TMPRSS11E: variants seen among roughly 807,000 people sequenced by gnomAD.
TMPRSS11E encodes the protein transmembrane serine protease 11E.
Under a neutral mutation model 48.1 loss-of-function variants are expected in TMPRSS11E, and 38 were observed. That is an observed-to-expected ratio of 0.79 (90% confidence interval 0.61 to 1.04). The LOEUF is 1.04. Among genes scored for constraint, TMPRSS11E ranks in the 50% least tolerant of loss-of-function variants. The probability of loss-of-function intolerance (pLI) is 0.00; values close to 1 mark genes in which losing one functional copy is unlikely to be tolerated. For missense variants in TMPRSS11E, 530 were observed against 510.8 expected (o/e 1.04, Z -0.36); for synonymous variants, 158 against 171.9 (o/e 0.92, Z 0.63).
At chr4:68,463,334 G>T (rs893026727) in intron 2 of TMPRSS11E, among the ~76,000 whole-genome samples, 1 of 151,840 alleles carries the variant, frequency 6.6e-6, no homozygotes. Flanking sequence ...ACGGAGTCTT[G>T]GTCTGTTCCC....
intron 9 of TMPRSS11E, among the ~76,000 whole-genome samples, chr4:68,480,737 T>C (rs1729378396): frequency 1.3e-5 from 2 of 152,156 alleles, no homozygotes; most frequent in African/African-American, 4.8e-5. Context: ...ATTTATTCTG[T>C]TTTGTTGTTG....
At chr4:68,470,652 C>T (rs138273660) in intron 4 of TMPRSS11E, among the ~76,000 whole-genome samples, 1 of 151,986 alleles carries the variant, frequency 6.6e-6, no homozygotes, top group Non-Finnish European at 1.5e-5. Context: ...TGTATTCCCA[C>T]TTCCAGTTTA....
At chr4:68,491,861 C>T (rs1729734293) in intron 9 of TMPRSS11E, among the ~76,000 whole-genome samples, 2 of 109,946 alleles carry the variant, frequency 1.8e-5, no homozygotes, top group African/African-American at 2.7e-5. Context: ...TTCATGCTTT[C>T]GCATGAACAC....
chr4:68,482,590 CAAAAAAAAAAAAAAAAAAAAA>C (rs371144994), intron 9 of TMPRSS11E, among the ~76,000 whole-genome samples: 7 of 106,056 alleles, frequency 6.6e-5, no homozygotes, highest in Non-Finnish European at 1.1e-4. Context: ...TGCATCTCCA[CAAAAAAAAAAAAAAAAAAAAA>C]AAAAAAAAAA....
At chr4:68,477,342 A>G (rs761927044) in intron 7 of TMPRSS11E, 27 bp from the exon 8 acceptor site, 3 of 1,579,360 alleles carry the variant, frequency 1.9e-6, no homozygotes, top group Non-Finnish European at 2.6e-6. Flanking sequence ...GTAAAAAGAA[A>G]TTTATTCTTC....
At chr4:68,470,238 A>G (rs1729026908) in intron 4 of TMPRSS11E, among the ~76,000 whole-genome samples, 2 of 151,908 alleles carry the variant, frequency 1.3e-5, no homozygotes, top group Admixed American at 6.6e-5. Flanking sequence ...GAAAAGGATG[A>G]CAAAGAAAGC....
intron 1 of TMPRSS11E, among the ~76,000 whole-genome samples, chr4:68,453,156 T>C (rs1341792487): frequency 6.6e-6 from 1 of 151,924 alleles, no homozygotes; most frequent in African/African-American, 2.4e-5. Flanking sequence ...AATTTTTCAT[T>C]ATGAAAGAGG....
intron 9 of TMPRSS11E, among the ~76,000 whole-genome samples, chr4:68,494,115 T>G (rs138219883): frequency 9.0e-6 from 1 of 110,988 alleles, no homozygotes; most frequent in African/African-American, 2.7e-5. Flanking sequence ...TTTTATCTGC[T>G]GTCTATATTC....
intron 9 of TMPRSS11E, 67 bp from the exon 10 acceptor site, chr4:68,496,576 A>T: frequency 3.4e-6 from 5 of 1,466,254 alleles, no homozygotes; most frequent in Non-Finnish European, 4.6e-6. Flanking sequence ...TTCTTAAGTT[A>T]GAAAAATAGC....
At chr4:68,461,746 A>C in intron 1 of TMPRSS11E, 75 bp from the exon 2 acceptor site, 1 of 1,600,008 alleles carries the variant, frequency 6.2e-7, no homozygotes, top group Admixed American at 1.7e-5. Flanking sequence ...TTATTCCCCC[A>C]AAATATCTGT....
intron 9 of TMPRSS11E, among the ~76,000 whole-genome samples, chr4:68,479,437 TG>T (rs1560556359): frequency 2.6e-5 from 4 of 151,064 alleles, no homozygotes; most frequent in South Asian, 2.1e-4. Flanking sequence ...TTTGGCTTTT[TG>T]TTGTAGAAAA....
chr4:68,474,586 CA>C, intron 5 of TMPRSS11E, 136 bp from the exon 6 acceptor site: 1 of 794,974 alleles, frequency 1.3e-6, no homozygotes, highest in Non-Finnish European at 2.1e-6. Context: ...ATGTCTATGA[CA>C]AGCTATGTTG....
intron 9 of TMPRSS11E, among the ~76,000 whole-genome samples, chr4:68,490,799 C>T (rs959800165): frequency 1.7e-5 from 2 of 120,450 alleles, no homozygotes; most frequent in African/African-American, 6.6e-5. Flanking sequence ...TCGCTTGTTG[C>T]CCAGGCTGGA....
chr4:68,478,559 A>T (rs1400847180), intron 8 of TMPRSS11E, among the ~76,000 whole-genome samples: 2 of 142,388 alleles, frequency 1.4e-5, no homozygotes, highest in Non-Finnish European at 3.0e-5. Flanking sequence ...GGTTCAAGAG[A>T]TTTACCTGCA....
At chr4:68,469,620 T>TC (rs1285969720) in intron 4 of TMPRSS11E, among the ~76,000 whole-genome samples, 1 of 151,940 alleles carries the variant, frequency 6.6e-6, no homozygotes, top group Non-Finnish European at 1.5e-5. Flanking sequence ...AATTCTGTAC[T>TC]CTCTGGTGTT....
At chr4:68,489,725 A>C (rs939823620) in intron 9 of TMPRSS11E, among the ~76,000 whole-genome samples, 1 of 152,334 alleles carries the variant, frequency 6.6e-6, no homozygotes, top group East Asian at 1.9e-4. Flanking sequence ...TGGGCAGCTG[A>C]GGCAGTGCTG....
chr4:68,468,551 G>C (rs1194865877), intron 3 of TMPRSS11E, among the ~76,000 whole-genome samples: 1 of 152,052 alleles, frequency 6.6e-6, no homozygotes, highest in Non-Finnish European at 1.5e-5. Context: ...GGCAGTAAAA[G>C]TCCTTACTTC....
At chr4:68,466,853 G>T in intron 3 of TMPRSS11E, 101 bp downstream of exon 3, 6 of 1,461,520 alleles carry the variant, frequency 4.1e-6, no homozygotes, top group Non-Finnish European at 5.7e-6. Flanking sequence ...ACGGATCCCT[G>T]TGTATTTGCA....
chr4:68,495,705 C>T lies in TMPRSS11E; in HGVS notation c.1111-938C>T, dbSNP rs990702621. The stretch of plus-strand genomic sequence containing the variant: ...AAAAGCATGGGCTTCTGAATTAGAT[C>T]GCTCTGGATTCAAATTCGGGGTCTG... On this transcript the variant is annotated intron_variant, in intron 9 of 9. Transcript: ENST00000305363. Among the ~76,000 whole-genome samples, 7 of 152,088 alleles carry T rather than the reference C, an allele frequency of 4.6e-5. No individual in the cohort carries two copies. The South Asian group carries it at 6.2e-4, about 13-fold the overall frequency.
Sources: gnomAD v4.1 joint callset for allele counts (sites outside exome capture counted in the v4.1 genomes callset) on GRCh38, gnomAD v4.1.1 for gene constraint, MANE v1.5 for transcripts, NCBI Gene and HGNC (gene_info 2026-07-23, HGNC 2026-07-21) for gene names.